Variants in SUGCT observed in about 807,000 individuals in gnomAD.
SUGCT encodes succinyl-CoA:glutarate CoA-transferase.
In SUGCT, 41 loss-of-function variants were observed where a neutral mutation model predicts 55.0. The ratio of observed to expected loss-of-function variants is 0.74; its 90% confidence interval spans 0.58 to 0.97. SUGCT has a LOEUF of 0.97. Ranked by LOEUF, SUGCT falls within the 50% of genes least tolerant of loss-of-function variation. SUGCT has a pLI of 0.00. For synonymous variants in SUGCT, 187 were observed against 200.4 expected (o/e 0.93, Z 0.56); for missense variants, 568 against 547.8 (o/e 1.04, Z -0.37).
intron 7 of SUGCT, among the ~76,000 whole-genome samples, chr7:40,267,173 T>C (rs569048475): frequency 1.3e-5 from 2 of 152,316 alleles, no homozygotes; most frequent in South Asian, 2.1e-4. Context: ...CACACTATAA[T>C]TGTATGTCTT....
the SUGCT span, among the ~76,000 whole-genome samples, chr7:40,953,389 G>A: frequency 6.6e-6 from 1 of 152,250 alleles, no homozygotes; most frequent in South Asian, 2.1e-4. Context: ...TCTTTGCAAT[G>A]GGTTTGAACT....
chr7:40,152,039 C>T (rs1788603810), intron 1 of SUGCT, among the ~76,000 whole-genome samples: 1 of 152,006 alleles, frequency 6.6e-6, no homozygotes, highest in Non-Finnish European at 1.5e-5. Flanking sequence ...GCTGGTGCAT[C>T]AGAACGCAGG....
At chr7:40,625,618 C>G (rs945093696) in intron 12 of SUGCT, among the ~76,000 whole-genome samples, 7 of 152,112 alleles carry the variant, frequency 4.6e-5, no homozygotes, top group African/African-American at 1.7e-4. Context: ...CTCTTTTACC[C>G]CAGGCAACTC....
chr7:40,155,069 T>C (rs999337566), intron 1 of SUGCT, among the ~76,000 whole-genome samples: 3 of 152,138 alleles, frequency 2.0e-5, no homozygotes, highest in Non-Finnish European at 2.9e-5. Context: ...GGTGATCACC[T>C]GAGGTCAGGA....
At chr7:40,720,055 G>A (rs186768418) in intron 12 of SUGCT, among the ~76,000 whole-genome samples, 1 of 152,182 alleles carries the variant, frequency 6.6e-6, no homozygotes, top group Admixed American at 6.5e-5. Context: ...CAAAGTGCTG[G>A]GATTACAGGC....
At chr7:40,970,194 C>T in the SUGCT span, among the ~76,000 whole-genome samples, 5,644 of 151,768 alleles carry the variant, frequency 0.037, 328 homozygotes, top group African/African-American at 0.13. Context: ...TTTTCTGAGA[C>T]GGAGTCTCGC....
chr7:40,364,189 A>G (rs1484252033), intron 9 of SUGCT, among the ~76,000 whole-genome samples: 1 of 151,794 alleles, frequency 6.6e-6, no homozygotes, highest in Non-Finnish European at 1.5e-5. Flanking sequence ...ACATCCTTTT[A>G]TTTTGAGCCT....
chr7:40,381,288 A>G (rs942344647), intron 9 of SUGCT, among the ~76,000 whole-genome samples: 3 of 152,088 alleles, frequency 2.0e-5, no homozygotes, highest in African/African-American at 4.8e-5. Context: ...AGTAGTAGCA[A>G]TAATAAATTT....
the SUGCT span, among the ~76,000 whole-genome samples, chr7:40,951,659 G>T: frequency 5.3e-5 from 8 of 151,932 alleles, no homozygotes; most frequent in African/African-American, 1.9e-4. Context: ...TTGTGTCTTT[G>T]TTCTCGTTGG....
intron 11 of SUGCT, among the ~76,000 whole-genome samples, chr7:40,478,869 T>C (rs1165266580): frequency 6.6e-6 from 1 of 152,182 alleles, no homozygotes; most frequent in Non-Finnish European, 1.5e-5. Context: ...TAATATACCA[T>C]ATAATGTCAA....
At chr7:40,751,335 C>CT (rs1038033427) in intron 13 of SUGCT, among the ~76,000 whole-genome samples, 1 of 151,930 alleles carries the variant, frequency 6.6e-6, no homozygotes, top group Non-Finnish European at 1.5e-5. Context: ...TGTTTTCTCT[C>CT]GTTTTAAGTA....
chr7:40,928,938 C>G, the SUGCT span, among the ~76,000 whole-genome samples: 1 of 152,128 alleles, frequency 6.6e-6, no homozygotes, highest in East Asian at 1.9e-4. Context: ...TTCTTTCTTC[C>G]TATCTAAAAT....
the SUGCT span, among the ~76,000 whole-genome samples, chr7:41,024,907 T>C: frequency 8.1e-4 from 124 of 152,170 alleles, 1 homozygote; most frequent in East Asian, 0.018. Context: ...TAGCAAACAA[T>C]CAGAAAGAAG....
intron 12 of SUGCT, among the ~76,000 whole-genome samples, chr7:40,534,799 T>C (rs1299871525): frequency 6.6e-6 from 1 of 152,214 alleles, no homozygotes; most frequent in African/African-American, 2.4e-5. Context: ...ACTTATGCCA[T>C]TATAATGGTA....
rs1425565024 is a variant in SUGCT at position 40,216,134 on chromosome 7, T to G, written c.484+21074T>G. Among the ~76,000 whole-genome samples, 6 of 151,860 alleles carry G rather than the reference T, an allele frequency of 4.0e-5. No homozygotes were observed. The South Asian group carries it at 1.2e-3, about 32-fold the overall frequency. On this transcript the variant is annotated intron_variant, in intron 6 of 13. Transcript: ENST00000335693. ...CTTTTTTTTTTTTTTTTAACTTGTT[T>G]TGGGAAATAAAAGGTGCTTTAAAAA...
At chr7:40,533,783 C>G (rs1794215786) in intron 12 of SUGCT, among the ~76,000 whole-genome samples, 2 of 152,106 alleles carry the variant, frequency 1.3e-5, no homozygotes, top group South Asian at 4.1e-4. Context: ...ATTTCAGTCA[C>G]ACCTAATAAT....
At chr7:40,209,469 C>T (rs879888453) in intron 6 of SUGCT, among the ~76,000 whole-genome samples, 24 of 151,608 alleles carry the variant, frequency 1.6e-4, no homozygotes, top group Admixed American at 1.4e-3. Context: ...GCACTCCAGC[C>T]TGGGCTGCAG....
intron 9 of SUGCT, among the ~76,000 whole-genome samples, chr7:40,394,417 A>G (rs1003724988): frequency 6.6e-6 from 1 of 152,236 alleles, no homozygotes; most frequent in South Asian, 2.1e-4. Flanking sequence ...TAATAGATAA[A>G]TAAATATGCC....
the SUGCT span, among the ~76,000 whole-genome samples, chr7:40,872,679 A>G: frequency 6.6e-6 from 1 of 152,216 alleles, no homozygotes; most frequent in Non-Finnish European, 1.5e-5. Context: ...AGAGAATGGA[A>G]TAAGTGTAGA....
Sources: gnomAD v4.1 joint callset for allele counts (sites outside exome capture counted in the v4.1 genomes callset) on GRCh38, gnomAD v4.1.1 for gene constraint, MANE v1.5 for transcripts, NCBI Gene and HGNC (gene_info 2026-07-23, HGNC 2026-07-21) for gene names.